SNX29: variants seen among roughly 807,000 people sequenced by gnomAD.
SNX29 encodes sorting nexin-29.
In SNX29, 78 loss-of-function variants were observed where a neutral mutation model predicts 102.1. That is an observed-to-expected ratio of 0.76 (90% CI 0.64 to 0.92). The LOEUF (loss-of-function observed/expected upper bound fraction) is 0.92. SNX29 is among the 40% of genes least tolerant of loss of function. The pLI is 0.00. For missense variants in SNX29, 1,280 were observed against 1,061.7 expected, an observed-to-expected ratio of 1.21 and a Z score of -2.86; for synonymous variants, 580 against 414.5, an observed-to-expected ratio of 1.40 and a Z score of -4.85.
At chr16:12,068,178 A>G (rs1250804428) in intron 9 of SNX29, among the ~76,000 whole-genome samples, 3 of 152,070 alleles carry the variant, frequency 2.0e-5, no homozygotes. Flanking sequence ...AGGTGGCTCA[A>G]GGTCGAAAAT....
Position 12,243,374 on chromosome 16 carries a change from A to G in SNX29, c.1679-34559A>G, listed in dbSNP as rs552397791. ...GCCACTTTTGTTCTGCTGCCCTGCC[A>G]TTCCTCTCTTACACACCTGATGTCT... On this transcript the variant is annotated intron_variant, in intron 14 of 20. Transcript: ENST00000566228. 9.8e-5 allele frequency among the ~76,000 whole-genome samples: 15 copies of G among 152,286 alleles called. No homozygotes were observed. The East Asian group carries it at 2.1e-3, about 22-fold the overall frequency.
chr16:12,540,177 T>G (rs1271289898), intron 20 of SNX29, among the ~76,000 whole-genome samples: 1 of 152,118 alleles, frequency 6.6e-6, no homozygotes, highest in Non-Finnish European at 1.5e-5. Context: ...TCATTTTGAG[T>G]GGACTTTTGT....
At position 12,569,096 on chromosome 16, in the gene SNX29, G is replaced by C. The variant is rs2079128903; in HGVS notation, c.*467G>C. ...TTTTGCTTTTTAAGGTTATTACCTG[G>C]CCTAACCTAGGGATGGCTGGCTTTG... On this transcript the variant is annotated 3_prime_UTR_variant, in exon 21 of 21. Coordinates refer to ENST00000566228, the MANE Select transcript of SNX29 (RefSeq NM_032167.5). 6.7e-6 allele frequency: 1 copy of C among 149,336 alleles called. No individual in the cohort carries two copies. The highest frequency in any genetic ancestry group is 2.9e-5 in the African/African-American group (1 of 33,966). 9.3% of individuals were successfully genotyped at this position (149,336 alleles called of 1,614,324 possible).
rs1429359060 is a variant in SNX29 at position 12,098,992 on chromosome 16, G to C, written c.1402+20077G>C. Among the ~76,000 whole-genome samples the C allele has an allele frequency of 5.3e-5, 8 of 152,196 alleles. No homozygotes were observed. The East Asian group carries it at 1.5e-3, about 29-fold the overall frequency. ...AGAGAGTACGGGACAGAAAGAGTGA[G>C]GGTGGGAACTGGGGAGTGGGGACCT... On this transcript the variant is annotated intron_variant, in intron 11 of 20. Transcript: ENST00000566228. This position sits in a 1 kb window ranked among gnomAD's most constrained non-coding sequence, Gnocchi z 6.0.
chr16:12,122,411 G>C (rs1703485), intron 11 of SNX29, among the ~76,000 whole-genome samples: 18,995 of 151,952 alleles, frequency 0.13, 1,794 homozygotes, highest in African/African-American at 0.26. Context: ...GGAGGCAAGA[G>C]TAAGACAGGG....
chr16:12,275,512 G>C (rs1312089298), intron 14 of SNX29, among the ~76,000 whole-genome samples: 2 of 152,164 alleles, frequency 1.3e-5, no homozygotes. Flanking sequence ...ATTTCCAGAG[G>C]TGTCTTGTGC....
At chr16:12,362,119 G>A (rs1567479053) in intron 16 of SNX29, among the ~76,000 whole-genome samples, 1 of 152,170 alleles carries the variant, frequency 6.6e-6, no homozygotes, top group East Asian at 1.9e-4. Flanking sequence ...GAGTAGAATT[G>A]TTGTTCATTT....
In SNX29 at chr16:12,568,646, G is replaced by A. The variant is rs752076380; in HGVS notation, c.*17G>A. ...GACCTCTGACCTCGACAAAACCGCA[G>A]CCACGGGCCCTGTGCGTGGCACCAG... On this transcript the variant is annotated 3_prime_UTR_variant, in exon 21 of 21. Coordinates refer to ENST00000566228, the MANE Select transcript of SNX29 (RefSeq NM_032167.5). The A allele has an allele frequency of 9.4e-6, 15 of 1,600,194 alleles. No individual in the cohort carries two copies. Among genetic ancestry groups the A allele is most frequent in the Admixed American group, 6.7e-5 (4 of 59,898 alleles).
intron 13 of SNX29, among the ~76,000 whole-genome samples, chr16:12,161,485 T>C (rs1304925025): frequency 1.3e-5 from 2 of 152,218 alleles, no homozygotes; most frequent in Non-Finnish European, 2.9e-5. Context: ...GCCCAATTGA[T>C]GCTGGGCTCC....
Position 12,572,272 on chromosome 16 carries a change from CAACT to C in SNX29, c.*3647_*3650del, listed in dbSNP as rs1567230955. On this transcript the variant is annotated 3_prime_UTR_variant, in exon 21 of 21. Coordinates refer to ENST00000566228, the MANE Select transcript of SNX29 (RefSeq NM_032167.5). ...ATTGATACCATGGCTGTAGCTGATG[CAACT>C]AACAAGTACTGGGGCCAGTGATCAC... 1.9e-6 allele frequency: 2 copies of C among 1,059,634 alleles called. No individual in the cohort carries two copies. The highest frequency in any genetic ancestry group is 2.3e-6 in the Non-Finnish European group (2 of 876,004). The allele number at this position is 1,059,634 out of a possible 1,614,324, so 65.6% of individuals were successfully genotyped here.
Position 12,518,488 on chromosome 16 carries a change from C to T in SNX29, c.2179-6214C>T, listed in dbSNP as rs1252573195. ...CCACCTTGACCACCTGATGGCCACA[C>T]GCCTTTCCTCCAGGAGCCAGCTAAA... On this transcript the variant is annotated intron_variant, in intron 19 of 20. Coordinates refer to ENST00000566228, the MANE Select transcript of SNX29 (RefSeq NM_032167.5). Among the ~76,000 whole-genome samples the T allele has an allele frequency of 5.3e-5, 8 of 152,324 alleles. No homozygotes were observed. The East Asian group carries it at 7.7e-4, about 15-fold the overall frequency.
chr16:12,541,967 A>G (rs536748047), intron 20 of SNX29, among the ~76,000 whole-genome samples: 10 of 152,302 alleles, frequency 6.6e-5, no homozygotes, highest in Admixed American at 6.5e-4. Context: ...GATCCACTTC[A>G]GAGACTTGGC....
intron 11 of SNX29, among the ~76,000 whole-genome samples, chr16:12,103,618 G>A (rs746099569): frequency 6.6e-6 from 1 of 152,178 alleles, no homozygotes; most frequent in African/African-American, 2.4e-5. Context: ...ATACCATTCA[G>A]GACATAGGCA....
chr16:12,013,500 A>AAAAATATATATATATATAT, intron 3 of SNX29, among the ~76,000 whole-genome samples: 5 of 31,622 alleles, frequency 1.6e-4, no homozygotes, highest in African/African-American at 2.9e-4. Flanking sequence ...AAAAAAAAAA[A>AAAAATATATATATATATAT]ATATATATAT....
intron 1 of SNX29, among the ~76,000 whole-genome samples, chr16:11,979,896 C>A (rs2055377917): frequency 6.6e-6 from 1 of 152,152 alleles, no homozygotes; most frequent in Non-Finnish European, 1.5e-5. Flanking sequence ...CCTGCCTCAG[C>A]CCCACAAAGT....
chr16:12,341,445 G>A (rs1257336154), intron 15 of SNX29, among the ~76,000 whole-genome samples: 2 of 152,192 alleles, frequency 1.3e-5, no homozygotes. Context: ...GAAGATACAG[G>A]GTTGTCAAGT....
intron 5 of SNX29, among the ~76,000 whole-genome samples, chr16:12,044,704 G>A (rs571191035): frequency 6.6e-6 from 1 of 152,068 alleles, no homozygotes; most frequent in Non-Finnish European, 1.5e-5. Context: ...TCAGCCTCCC[G>A]AGTAGCTGGG....
intron 16 of SNX29, among the ~76,000 whole-genome samples, chr16:12,358,738 C>A (rs372066150): frequency 1.6e-4 from 24 of 152,176 alleles, no homozygotes; most frequent in Non-Finnish European, 2.2e-4. Flanking sequence ...TCAGTCTGTT[C>A]GTCTTAGACC....
intron 15 of SNX29, among the ~76,000 whole-genome samples, chr16:12,313,905 A>G (rs1001986635): frequency 6.6e-5 from 10 of 152,344 alleles, no homozygotes; most frequent in Admixed American, 5.9e-4. Flanking sequence ...CTCAAAAACA[A>G]CCATCTGGCT....
Sources: gnomAD v4.1 joint callset for allele counts (sites outside exome capture counted in the v4.1 genomes callset) on GRCh38, gnomAD v4.1.1 for gene constraint, Gnocchi (gnomAD v3.1) non-coding constraint, MANE v1.5 for transcripts, NCBI Gene and HGNC (gene_info 2026-07-23, HGNC 2026-07-21) for gene names.